Variants in FAM227B observed in about 807,000 individuals in gnomAD.
FAM227B encodes the protein protein FAM227B.
A neutral mutation model predicts 73.8 loss-of-function variants in FAM227B; 88 were observed. The observed-to-expected ratio is 1.19, with a 90% CI of 1.00 to 1.42. The LOEUF (loss-of-function observed/expected upper bound fraction) is 1.42, where lower values mean the gene tolerates loss of function less well. Among genes scored for constraint, FAM227B ranks in the 40% most tolerant of loss-of-function variants. FAM227B has a pLI of 0.00. For missense variants in FAM227B, 632 were observed against 590.9 expected (o/e 1.07, Z -0.72); for synonymous variants, 210 against 190.5 (o/e 1.10, Z -0.84).
At chr15:49,448,333 C>A (rs76974081) in intron 11 of FAM227B, among the ~76,000 whole-genome samples, 44 of 151,280 alleles carry the variant, frequency 2.9e-4, no homozygotes, top group Non-Finnish European at 5.8e-4. Context: ...TTTTTCTCTT[C>A]CCTTCTCTCC....
At chr15:49,419,785 T>C (rs879647008) in intron 11 of FAM227B, among the ~76,000 whole-genome samples, 1 of 152,022 alleles carries the variant, frequency 6.6e-6, no homozygotes, top group Non-Finnish European at 1.5e-5. Flanking sequence ...ATTTTTTTAT[T>C]TTTTATTTTT....
chr15:49,456,871 C>G (rs1325511452), intron 11 of FAM227B, among the ~76,000 whole-genome samples: 1 of 152,094 alleles, frequency 6.6e-6, no homozygotes, highest in Non-Finnish European at 1.5e-5. Flanking sequence ...CAGAAAAAGA[C>G]AGGCAACTGT....
chr15:49,445,278 C>G (rs1483998528), intron 11 of FAM227B, among the ~76,000 whole-genome samples: 2 of 151,740 alleles, frequency 1.3e-5, no homozygotes, highest in South Asian at 4.2e-4. Flanking sequence ...ACATCTCTAC[C>G]TCCTGCTAGT....
rs139485976 is a variant in FAM227B at position 49,327,981 on chromosome 15, C to G, written c.*587G>C. The G allele has an allele frequency of 3.2e-5, 51 of 1,613,638 alleles. No homozygotes were observed. In the African/African-American group the frequency reaches 5.7e-4, roughly 18 times the overall value. ...TTTGGGGCTCAAGGGTCACGACTTA[C>G]TGGAGCAGGATGGGGAGGCTGCACA... On this transcript the variant is annotated 3_prime_UTR_variant, in exon 16 of 16. Coordinates refer to ENST00000299338, the MANE Select transcript of FAM227B (RefSeq NM_152647.3).
chr15:49,565,598 A>T (rs1247630999), intron 9 of FAM227B, among the ~76,000 whole-genome samples: 1 of 152,158 alleles, frequency 6.6e-6, no homozygotes, highest in Non-Finnish European at 1.5e-5. Flanking sequence ...CACTTTGTAA[A>T]ATTTTAGAAT....
chr15:49,576,596 C>T, intron 7 of FAM227B, 145 bp downstream of exon 7: 1 of 597,988 alleles, frequency 1.7e-6, no homozygotes, highest in Non-Finnish European at 2.9e-6. Flanking sequence ...CGGTTAGACA[C>T]ATCACTGGTC....
chr15:49,504,847 T>C (rs966289909), intron 11 of FAM227B, among the ~76,000 whole-genome samples: 2 of 152,216 alleles, frequency 1.3e-5, no homozygotes, highest in African/African-American at 4.8e-5. Context: ...AATGCAAGAA[T>C]GACCTAATAC....
intron 10 of FAM227B, among the ~76,000 whole-genome samples, chr15:49,529,320 G>C (rs927987410): frequency 1.3e-5 from 2 of 151,596 alleles, no homozygotes; most frequent in Non-Finnish European, 3.0e-5. Flanking sequence ...GACTCCAAAA[G>C]AGGGGAGGTT....
At chr15:49,558,999 T>A (rs916955597) in intron 9 of FAM227B, among the ~76,000 whole-genome samples, 2 of 152,002 alleles carry the variant, frequency 1.3e-5, no homozygotes, top group African/African-American at 4.8e-5. Context: ...CATAAAACTG[T>A]CTGTATCAGG....
intron 11 of FAM227B, among the ~76,000 whole-genome samples, chr15:49,479,267 T>A (rs1362617728): frequency 6.6e-6 from 1 of 152,198 alleles, no homozygotes; most frequent in Non-Finnish European, 1.5e-5. Context: ...TATTTATATT[T>A]TTGAACTCTA....
intron 13 of FAM227B, among the ~76,000 whole-genome samples, chr15:49,348,782 G>A (rs957469821): frequency 6.6e-6 from 1 of 152,064 alleles, no homozygotes; most frequent in African/African-American, 2.4e-5. Context: ...TGATTTTATT[G>A]ACCAACAATA....
At chr15:49,386,284 C>A (rs2046878788) in intron 11 of FAM227B, among the ~76,000 whole-genome samples, 2 of 150,646 alleles carry the variant, frequency 1.3e-5, no homozygotes, top group Admixed American at 1.3e-4. Flanking sequence ...AAAAAAAAAT[C>A]AAAATTATAT....
At chr15:49,341,948 G>A (rs1365700215) in intron 13 of FAM227B, among the ~76,000 whole-genome samples, 5 of 152,120 alleles carry the variant, frequency 3.3e-5, no homozygotes, top group African/African-American at 9.7e-5. Context: ...CTTTATGGCC[G>A]AGCATGTGGT....
intron 9 of FAM227B, among the ~76,000 whole-genome samples, chr15:49,552,160 T>G (rs947604115): frequency 6.6e-6 from 1 of 152,236 alleles, no homozygotes; most frequent in Admixed American, 6.5e-5. Context: ...TAGCATTTCT[T>G]GTAGGATAGG....
chr15:49,583,654 CAA>C (rs200243389), intron 5 of FAM227B, among the ~76,000 whole-genome samples: 13 of 103,560 alleles, frequency 1.3e-4, no homozygotes, highest in African/African-American at 1.2e-4. Context: ...TTTCACTTGG[CAA>C]AAAAAAAAAA....
At position 49,470,700 on chromosome 15, in the gene FAM227B, T is replaced by C. The variant is rs1334234608; in HGVS notation, c.1012+37511A>G. On this transcript the variant is annotated intron_variant, in intron 11 of 15. Transcript: ENST00000299338. ...TAGCAAGAGGAATGTGTAAATGTGA[T>C]AGAAATAATTTGGATCATTGCTGTT... Among the ~76,000 whole-genome samples, 4 of 152,228 alleles carry C rather than the reference T, an allele frequency of 2.6e-5. No homozygotes were observed. The East Asian group carries it at 5.8e-4, about 22-fold the overall frequency.
At chr15:49,524,096 C>T (rs753271570) in intron 10 of FAM227B, among the ~76,000 whole-genome samples, 1 of 152,154 alleles carries the variant, frequency 6.6e-6, no homozygotes, top group Non-Finnish European at 1.5e-5. Context: ...AAGGCAGCTG[C>T]AAAATTTGCA....
intron 3 of FAM227B, 22 bp from the exon 4 acceptor site, chr15:49,590,029 G>C: frequency 8.4e-7 from 1 of 1,193,258 alleles, no homozygotes. Flanking sequence ...GTGAAAGAGA[G>C]AATATAGCTT....
At chr15:49,536,058 C>G (rs929806565) in intron 10 of FAM227B, among the ~76,000 whole-genome samples, 1 of 101,294 alleles carries the variant, frequency 9.9e-6, no homozygotes, top group Non-Finnish European at 1.9e-5. Context: ...GAAGTACTAG[C>G]AAGGGCAATC....
Sources: gnomAD v4.1 joint callset for allele counts (sites outside exome capture counted in the v4.1 genomes callset) on GRCh38, gnomAD v4.1.1 for gene constraint, MANE v1.5 for transcripts, NCBI Gene and HGNC (gene_info 2026-07-23, HGNC 2026-07-21) for gene names.